The following CSMD1 variants were observed in gnomAD, a reference collection of about 807,000 sequenced individuals.
CSMD1 encodes CUB and sushi domain-containing protein 1.
In CSMD1, 213 loss-of-function variants were observed where a neutral mutation model predicts 417.5. That is an observed-to-expected ratio of 0.51 (90% CI 0.46 to 0.57). The LOEUF (loss-of-function observed/expected upper bound fraction) is 0.57. Ranked by LOEUF, CSMD1 falls within the 20% of genes least tolerant of loss-of-function variation. The pLI is 0.00. For synonymous variants in CSMD1, 2,862 were observed against 1,736.8 expected (o/e 1.65, Z -16.11); for missense variants, 6,923 against 4,529.7 (o/e 1.53, Z -15.17).
rs183955093 is a variant in CSMD1 at position 3,512,043 on chromosome 8, C to T, written c.1345-18317G>A. 2.4e-3 allele frequency among the ~76,000 whole-genome samples: 359 copies of T among 152,234 alleles called. 1 individual carries two copies. The highest frequency in any genetic ancestry group is 7.8e-3 in the African/African-American group (325 of 41,562). On this transcript the variant is annotated intron_variant, in intron 10 of 69. Transcript: ENST00000635120. ...CCGCTCCCTGGGCATTCCCCATCAC[C>T]GTGGATCCACTATGTGGCCCTAGAG...
chr8:4,092,022 T>C (rs762831475), intron 3 of CSMD1, among the ~76,000 whole-genome samples: 1 of 152,180 alleles, frequency 6.6e-6, no homozygotes, highest in East Asian at 1.9e-4. Flanking sequence ...TAATATTACG[T>C]AGCACATATC....
chr8:2,969,078 G>A (rs1171476542), intron 57 of CSMD1, among the ~76,000 whole-genome samples: 1 of 152,016 alleles, frequency 6.6e-6, no homozygotes, highest in Non-Finnish European at 1.5e-5. Context: ...ATAAACCTGA[G>A]CAATCAATTT....
intron 62 of CSMD1, among the ~76,000 whole-genome samples, chr8:2,958,373 G>C (rs1020389695): frequency 3.2e-4 from 48 of 152,206 alleles, no homozygotes; most frequent in African/African-American, 1.1e-3. Context: ...ATCCGCTGCA[G>C]ATTCTTCTCT....
intron 3 of CSMD1, among the ~76,000 whole-genome samples, chr8:4,062,332 G>A (rs893212968): frequency 5.3e-5 from 8 of 152,068 alleles, no homozygotes; most frequent in African/African-American, 7.2e-5. Context: ...ATGGTCCAGG[G>A]TGGAGAGTGG....
intron 4 of CSMD1, among the ~76,000 whole-genome samples, chr8:4,028,005 G>A (rs962082860): frequency 6.6e-6 from 1 of 152,128 alleles, no homozygotes; most frequent in African/African-American, 2.4e-5. Context: ...AATTAATTGA[G>A]AACAGTCTGT....
intron 5 of CSMD1, among the ~76,000 whole-genome samples, chr8:3,913,461 C>A (rs985762873): frequency 2.6e-5 from 4 of 152,256 alleles, no homozygotes; most frequent in Non-Finnish European, 5.9e-5. Flanking sequence ...AACCTCCAGA[C>A]TGGAAGAAGC....
At chr8:4,582,051 G>C (rs773537475) in intron 2 of CSMD1, among the ~76,000 whole-genome samples, 1 of 152,010 alleles carries the variant, frequency 6.6e-6, no homozygotes, top group Admixed American at 6.5e-5. Context: ...AGCAGTCATG[G>C]GACACTGCGT....
At chr8:4,372,631 TAA>T (rs10606022) in intron 3 of CSMD1, among the ~76,000 whole-genome samples, 2,968 of 145,444 alleles carry the variant, frequency 0.02, 58 homozygotes, top group African/African-American at 0.056. Context: ...AAGGAAGTGT[TAA>T]AAAAAAAAAA....
At chr8:4,056,768 G>A (rs1170094760) in intron 3 of CSMD1, among the ~76,000 whole-genome samples, 3 of 151,686 alleles carry the variant, frequency 2.0e-5, no homozygotes, top group Middle Eastern at 3.2e-3. Context: ...TCCCACCTAT[G>A]AGTGAGAACA....
chr8:3,942,228 A>C (rs1162735866), intron 5 of CSMD1, among the ~76,000 whole-genome samples: 1 of 152,028 alleles, frequency 6.6e-6, no homozygotes, highest in Non-Finnish European at 1.5e-5. Flanking sequence ...TTCATCATAT[A>C]TTACTGTGTA....
intron 3 of CSMD1, among the ~76,000 whole-genome samples, chr8:4,270,048 G>T (rs1333536934): frequency 1.3e-5 from 2 of 152,124 alleles, no homozygotes; most frequent in South Asian, 2.1e-4. Flanking sequence ...TATGATTAAT[G>T]ATGAAATATT....
chr8:4,586,287 C>A (rs1473600151), intron 2 of CSMD1, among the ~76,000 whole-genome samples: 1 of 152,192 alleles, frequency 6.6e-6, no homozygotes, highest in Non-Finnish European at 1.5e-5. Flanking sequence ...TACCCATCAG[C>A]CATTCCCAAT....
intron 54 of CSMD1, among the ~76,000 whole-genome samples, chr8:2,992,745 C>T (rs1157824355): frequency 6.6e-6 from 1 of 150,656 alleles, no homozygotes; most frequent in African/African-American, 2.4e-5. Context: ...AGTTTTATGC[C>T]ATCTGATTTT....
rs186052835 is a variant in CSMD1 at position 4,258,197 on chromosome 8, G to A, written c.415+161756C>T. On this transcript the variant is annotated intron_variant, in intron 3 of 69. Coordinates refer to ENST00000635120, the MANE Select transcript of CSMD1 (RefSeq NM_033225.6). ...TGGCCTCAAGCAATCTTCCTGGCTT[G>A]GCCTTCCAAAGTTCTGAGATTAAAG... Among the ~76,000 whole-genome samples, 544 of 149,462 alleles carry A rather than the reference G, an allele frequency of 3.6e-3. 2 individuals are homozygous for A. The highest frequency in any genetic ancestry group is 6.9e-3 in the Admixed American group (103 of 14,920).
At chr8:3,280,453 TC>T (rs1802646181) in intron 26 of CSMD1, among the ~76,000 whole-genome samples, 1 of 152,222 alleles carries the variant, frequency 6.6e-6, no homozygotes, top group Non-Finnish European at 1.5e-5. Flanking sequence ...ATCTTGTTTT[TC>T]CTTTCAATAA....
chr8:4,227,156 G>C (rs1585056462), intron 3 of CSMD1, among the ~76,000 whole-genome samples: 2 of 152,102 alleles, frequency 1.3e-5, no homozygotes, highest in Admixed American at 6.5e-5. Flanking sequence ...AAGCACTCAG[G>C]CTGCCTCTTT....
chr8:3,534,462 TATG>T (rs1295635448), intron 10 of CSMD1, among the ~76,000 whole-genome samples: 1 of 150,754 alleles, frequency 6.6e-6, no homozygotes, highest in Non-Finnish European at 1.5e-5. Context: ...GGATCACACT[TATG>T]ACACCCTCTC....
At chr8:3,023,297 G>A (rs781195368) in intron 51 of CSMD1, among the ~76,000 whole-genome samples, 6 of 152,184 alleles carry the variant, frequency 3.9e-5, no homozygotes, top group African/African-American at 1.4e-4. Context: ...GTAGCTCACT[G>A]AGTCAGTGTG....
Position 3,790,619 on chromosome 8 carries a change from A to C in CSMD1, c.819-36577T>G, listed in dbSNP as rs1474121223. Among the ~76,000 whole-genome samples, 8 of 152,234 alleles carry C rather than the reference A, an allele frequency of 5.3e-5. 1 individual carries two copies. The highest frequency in any genetic ancestry group is 1.9e-4 in the African/African-American group (8 of 41,460). On this transcript the variant is annotated intron_variant, in intron 5 of 69. Coordinates refer to ENST00000635120, the MANE Select transcript of CSMD1 (RefSeq NM_033225.6). ...TACACAACAATTACATTTCACAATAACAACTTATCAAAACACAAAGAGATA... is the reference window on the plus strand; with the variant it reads ...TACACAACAATTACATTTCACAATACCAACTTATCAAAACACAAAGAGATA...
Sources: gnomAD v4.1 joint callset for allele counts (sites outside exome capture counted in the v4.1 genomes callset) on GRCh38, gnomAD v4.1.1 for gene constraint, MANE v1.5 for transcripts, NCBI Gene and HGNC (gene_info 2026-07-23, HGNC 2026-07-21) for gene names.